Variants in DPYD observed in about 807,000 individuals in gnomAD.
DPYD encodes the protein dihydropyrimidine dehydrogenase [NADP(+)].
Under a neutral mutation model 116.2 loss-of-function variants are expected in DPYD, and 109 were observed. The ratio of observed to expected loss-of-function variants is 0.94; its 90% CI spans 0.80 to 1.10. The LOEUF (loss-of-function observed/expected upper bound fraction) is 1.10, where lower values mean the gene tolerates loss of function less well. DPYD is among the 50% of genes least tolerant of loss of function. DPYD has a pLI of 0.00. For missense variants in DPYD, 1,302 were observed against 1,254.5 expected, an observed-to-expected ratio of 1.04 and a Z score of -0.57; for synonymous variants, 440 against 432.0, an observed-to-expected ratio of 1.02 and a Z score of -0.23.
intron 20 of DPYD, among the ~76,000 whole-genome samples, chr1:97,105,518 T>C (rs1198571580): frequency 6.6e-6 from 1 of 152,208 alleles, no homozygotes; most frequent in East Asian, 1.9e-4. Context: ...TTGAGTTTCA[T>C]GGTTGGGTTG....
chr1:97,310,965 C>T (rs1667477658), intron 16 of DPYD, among the ~76,000 whole-genome samples: 2 of 151,686 alleles, frequency 1.3e-5, no homozygotes, highest in East Asian at 2.0e-4. Context: ...ATTAATAAAA[C>T]AAAATGATGC....
intron 3 of DPYD, among the ~76,000 whole-genome samples, chr1:97,805,032 A>T (rs1668017043): frequency 6.6e-6 from 1 of 151,944 alleles, no homozygotes; most frequent in Non-Finnish European, 1.5e-5. Flanking sequence ...ATGAAATATA[A>T]ATTGAAAAGT....
chr1:97,447,287 G>A (rs1676141481), intron 14 of DPYD, among the ~76,000 whole-genome samples: 1 of 152,194 alleles, frequency 6.6e-6, no homozygotes, highest in South Asian at 2.1e-4. Flanking sequence ...AGAATGATGT[G>A]AAAAAACTCC....
intron 3 of DPYD, among the ~76,000 whole-genome samples, chr1:97,744,444 A>G (rs1180762584): frequency 1.3e-5 from 2 of 151,632 alleles, no homozygotes; most frequent in Non-Finnish European, 2.9e-5. Flanking sequence ...TTTCTCAGAT[A>G]AAAAATAATA....
intron 2 of DPYD, among the ~76,000 whole-genome samples, chr1:97,857,285 G>T (rs1433218322): frequency 6.6e-6 from 1 of 152,132 alleles, no homozygotes; most frequent in Admixed American, 6.5e-5. Context: ...CTTCCTCCAT[G>T]TTTCCTGGCA....
chr1:97,391,174 G>T (rs1008575089), intron 14 of DPYD, among the ~76,000 whole-genome samples: 1 of 149,228 alleles, frequency 6.7e-6, no homozygotes. Flanking sequence ...CATCATATTC[G>T]CAATGACTGT....
chr1:97,173,238 A>G (rs1296281757), intron 20 of DPYD, among the ~76,000 whole-genome samples: 1 of 150,868 alleles, frequency 6.6e-6, no homozygotes, highest in African/African-American at 2.4e-5. Flanking sequence ...ATATGCGCAC[A>G]CATATATGTA....
chr1:97,404,118 C>T (rs963868189), intron 14 of DPYD, among the ~76,000 whole-genome samples: 27 of 151,788 alleles, frequency 1.8e-4, no homozygotes, highest in African/African-American at 6.3e-4. Context: ...ATTTTGTTAG[C>T]GGTGTCTAAT....
intron 14 of DPYD, among the ~76,000 whole-genome samples, chr1:97,449,221 G>A (rs1676258790): frequency 6.6e-6 from 1 of 151,862 alleles, no homozygotes; most frequent in Non-Finnish European, 1.5e-5. Context: ...GACATATGTA[G>A]GTAAAAAAAT....
intron 13 of DPYD, among the ~76,000 whole-genome samples, chr1:97,450,677 G>C (rs1676367113): frequency 6.6e-6 from 1 of 151,756 alleles, no homozygotes. Flanking sequence ...TAACTCCGAT[G>C]TAAATCAGTG....
intron 20 of DPYD, among the ~76,000 whole-genome samples, chr1:97,145,743 G>GT (rs370793517): frequency 0.013 from 1,713 of 129,304 alleles, 33 homozygotes; most frequent in African/African-American, 0.042. Context: ...AATTGTGTGG[G>GT]TTTTTTTTTT....
Position 97,699,374 on chromosome 1 carries a change from T to G in DPYD, c.657A>C (p.Lys219Asn). The G allele has an allele frequency of 6.2e-7, 1 of 1,613,598 alleles. No individual in the cohort carries two copies. The highest frequency in any genetic ancestry group is 8.5e-7 in the Non-Finnish European group (1 of 1,179,608). ...ACCTTAAACCACCAACATATTCTTG[T>G]TTTTCAAATATAGTGATGTCAGAGT... ...LGYSDITIFE[K>N]QEYVGGLSTS... is the part of the protein sequence containing the mutation. Residue 219 changes from lysine (K) to asparagine (N), a missense_variant, in exon 6 of 23, where the codon AAA (lysine) becomes AAC (asparagine). Coordinates refer to ENST00000370192, the MANE Select transcript of DPYD (RefSeq NM_000110.4).
chr1:97,142,589 T>C (rs1654306637), intron 20 of DPYD, among the ~76,000 whole-genome samples: 1 of 152,138 alleles, frequency 6.6e-6, no homozygotes, highest in African/African-American at 2.4e-5. Context: ...TGTTTCACTT[T>C]CCTTCATCAG....
At chr1:97,544,448 C>T (rs1231016824) in intron 12 of DPYD, among the ~76,000 whole-genome samples, 2 of 152,096 alleles carry the variant, frequency 1.3e-5, no homozygotes, top group African/African-American at 4.8e-5. Flanking sequence ...CATGGCACAA[C>T]CTTTATTTTA....
intron 4 of DPYD, among the ~76,000 whole-genome samples, chr1:97,734,244 T>C (rs566374131): frequency 2.6e-5 from 4 of 152,212 alleles, no homozygotes; most frequent in African/African-American, 9.6e-5. Context: ...CTATGAAAGA[T>C]TCTAAAAGTA....
rs1255253801 is a variant in DPYD at position 97,506,473 on chromosome 1, T to G, written c.1740+9253A>C. Among the ~76,000 whole-genome samples the G allele has an allele frequency of 2.6e-5, 4 of 151,956 alleles. No individual in the cohort carries two copies. The East Asian group carries it at 7.8e-4, about 29-fold the overall frequency. On this transcript the variant is annotated intron_variant, in intron 13 of 22. Transcript: ENST00000370192. ...AGTTTCTCAAACAGCAGGACTGTAC[T>G]TTAAGGAAATTTCCATTAACCATAA... is the stretch of plus-strand genomic sequence containing the variant.
At chr1:97,174,646 T>C (rs1371343619) in intron 20 of DPYD, among the ~76,000 whole-genome samples, 1 of 152,224 alleles carries the variant, frequency 6.6e-6, no homozygotes, top group African/African-American at 2.4e-5. Context: ...AAAAGTAATT[T>C]GGGCATAAAA....
At chr1:97,360,874 CTAA>C (rs1323370184) in intron 16 of DPYD, among the ~76,000 whole-genome samples, 2 of 152,000 alleles carry the variant, frequency 1.3e-5, no homozygotes, top group Non-Finnish European at 2.9e-5. Context: ...AACTGACACC[CTAA>C]TATCACAATT....
At chr1:97,377,286 A>G (rs771748906) in intron 15 of DPYD, among the ~76,000 whole-genome samples, 2 of 152,086 alleles carry the variant, frequency 1.3e-5, no homozygotes, top group African/African-American at 4.8e-5. Flanking sequence ...TTTAACATAT[A>G]TAAGAGTTTA....
Sources: allele counts gnomAD v4.1 joint callset (sites outside exome capture counted in the v4.1 genomes callset), GRCh38; gene constraint gnomAD v4.1.1; transcripts MANE v1.5; gene names NCBI Gene and HGNC (gene_info 2026-07-23, HGNC 2026-07-21).